The following C16orf95 variants were observed in gnomAD, a reference collection of about 807,000 sequenced individuals.
C16orf95 encodes the protein uncharacterized protein C16orf95.
In C16orf95, 41 loss-of-function variants were observed where a neutral mutation model predicts 32.1. The ratio of observed to expected loss-of-function variants is 1.28; its 90% CI spans 1.00 to 1.66. The LOEUF is 1.66. C16orf95 is among the 40% of genes most tolerant of loss of function. C16orf95 has a pLI of 0.00. For synonymous variants in C16orf95, 147 were observed against 128.9 expected (o/e 1.14, Z -0.95); for missense variants, 399 against 325.9 (o/e 1.22, Z -1.73).
rs748603129 is a variant in C16orf95, at chr16:87,314,978, C to T, written c.323G>A (p.Arg108Gln). 62 of 1,535,940 alleles carry T rather than the reference C, an allele frequency of 4.0e-5. No homozygotes were observed. In the East Asian group the frequency reaches 7.8e-4, roughly 19 times the overall value. Reference protein sequence around the residue: ...PYWVPLSLRPRKQSQKTVQFP... With the variant: ...PYWVPLSLRPQKQSQKTVQFP... The stretch of plus-strand genomic sequence containing the variant: ...CTGGTTCAAGTCACCTACCTGCTTT[C>T]GGGGTCTCAGGGACAGAGGGACCCA... Residue 108 changes from arginine (R) to glutamine (Q), a missense_variant, in exon 3 of 7, where the codon CGA (arginine) becomes CAA (glutamine). Coordinates refer to ENST00000567970, the MANE Select transcript of C16orf95 (RefSeq NM_001195124.3).
At chr16:87,310,417 G>T in intron 4 of C16orf95, 84 bp from the exon 5 acceptor site, 3 of 1,364,664 alleles carry the variant, frequency 2.2e-6, no homozygotes. Context: ...CAAACCTCCA[G>T]GAGGGGCACT....
chr16:87,303,819 C>A (rs1910875355), intron 6 of C16orf95, among the ~76,000 whole-genome samples: 2 of 152,250 alleles, frequency 1.3e-5, no homozygotes, highest in Middle Eastern at 3.4e-3. Flanking sequence ...TGGGGAACTT[C>A]AAAACAAGAG....
Position 87,317,138 on chromosome 16 carries a change from G to A in C16orf95, c.105C>T (p.Cys35=). 6.5e-7 allele frequency: 1 copy of A among 1,533,912 alleles called. No individual in the cohort carries two copies. The highest frequency in any genetic ancestry group is 8.7e-7 in the Non-Finnish European group (1 of 1,145,682). Reference sequence around the variant, plus strand: ...TGAGTGCCAACCTGCAGAGCCCGACGCACCCCGCGCCCGGCCCCCCGGCAG... The same window carrying A: ...TGAGTGCCAACCTGCAGAGCCCGACACACCCCGCGCCCGGCCCCCCGGCAG... ...GAAAGGPGAG[C]VGLCRLALTP... is the part of the protein sequence containing the mutation. The change falls in exon 1 of 7, where the codon TGC becomes TGT. Residue 35 remains cysteine (C), a synonymous_variant. Coordinates refer to ENST00000567970, the MANE Select transcript of C16orf95 (RefSeq NM_001195124.3).
At chr16:87,308,758 C>T (rs1367213136) in intron 5 of C16orf95, among the ~76,000 whole-genome samples, 1 of 152,174 alleles carries the variant, frequency 6.6e-6, no homozygotes, top group Non-Finnish European at 1.5e-5. Context: ...GATCTTGATC[C>T]CACTTCTTTA....
chr16:87,310,439 G>C lies in C16orf95; in HGVS notation c.478-106C>G, dbSNP rs115967898. On this transcript the variant is annotated intron_variant, in intron 4 of 6. Transcript: ENST00000567970. The stretch of plus-strand genomic sequence containing the variant: ...CCAGGAGGGGCACTGGCCAGCTCAA[G>C]ATAAAAGCCAAGGGCTCCTCCTTAT... The C allele has an allele frequency of 2.8e-3, 3,216 of 1,149,394 alleles. 73 individuals carry two copies. The African/African-American group carries it at 0.044, about 16-fold the overall frequency. 71.2% of individuals were successfully genotyped at this position (1,149,394 alleles called of 1,614,324 possible).
rs536947440 is a variant in C16orf95, at chr16:87,315,291, C to A, written c.205-195G>T. Reference sequence around the variant, plus strand: ...CCTCCAAGGTCATTTGGAGGGGGATCCCCCGGAGCTTGCAAATCAGGTGCG... The same window carrying A: ...CCTCCAAGGTCATTTGGAGGGGGATACCCCGGAGCTTGCAAATCAGGTGCG... On this transcript the variant is annotated intron_variant, in intron 2 of 6. Coordinates refer to ENST00000567970, the MANE Select transcript of C16orf95 (RefSeq NM_001195124.3). Among the ~76,000 whole-genome samples the A allele has an allele frequency of 9.3e-4, 142 of 152,300 alleles. 1 individual carries two copies. Among genetic ancestry groups the A allele is most frequent in the African/African-American group, 3.1e-3 (130 of 41,582 alleles).
chr16:87,309,220 G>C (rs1306181499), intron 5 of C16orf95, among the ~76,000 whole-genome samples: 1 of 151,880 alleles, frequency 6.6e-6, no homozygotes, highest in Admixed American at 6.6e-5. Flanking sequence ...TTTTTAAACT[G>C]ATGTCTTTTC....
At chr16:87,306,640 AACCAG>A (rs1386242358) in intron 5 of C16orf95, among the ~76,000 whole-genome samples, 1 of 152,220 alleles carries the variant, frequency 6.6e-6, no homozygotes, top group Admixed American at 6.5e-5. Flanking sequence ...TTAAAATGGA[AACCAG>A]TCAGATTTGC....
At chr16:87,303,884 C>T (rs771204289) in intron 6 of C16orf95, among the ~76,000 whole-genome samples, 1 of 152,174 alleles carries the variant, frequency 6.6e-6, no homozygotes, top group Non-Finnish European at 1.5e-5. Context: ...AAAGCCCAGG[C>T]ATCTTTCTCT....
intron 1 of C16orf95, 127 bp downstream of exon 1, chr16:87,316,964 T>C (rs1904366354): frequency 7.3e-7 from 1 of 1,368,780 alleles, no homozygotes; most frequent in South Asian, 1.6e-5. Context: ...GTTAAGCCAA[T>C]GTAAGTGAGG....
At chr16:87,315,432 T>G (rs1904312605) in intron 2 of C16orf95, among the ~76,000 whole-genome samples, 1 of 152,232 alleles carries the variant, frequency 6.6e-6, no homozygotes, top group Non-Finnish European at 1.5e-5. Flanking sequence ...GCTGCCTTTA[T>G]GGCCATCTGT....
intron 3 of C16orf95, among the ~76,000 whole-genome samples, chr16:87,314,421 C>G (rs1235782028): frequency 2.0e-5 from 3 of 152,226 alleles, no homozygotes; most frequent in Non-Finnish European, 2.9e-5. Context: ...AGTACAAAGT[C>G]TATGACCCCA....
intron 5 of C16orf95, among the ~76,000 whole-genome samples, chr16:87,307,997 G>A (rs531560117): frequency 6.6e-6 from 1 of 152,224 alleles, no homozygotes; most frequent in South Asian, 2.1e-4. Flanking sequence ...GACAGAAAGA[G>A]CCAAATCAGG....
chr16:87,309,372 C>CTTTTTTTT lies in C16orf95; in HGVS notation c.514+917_514+924dup, dbSNP rs10551847. ...TATGCATTTTCTTTTTCTTTCTTTT[C>CTTTTTTTT]TTTTTTTTTTTTTTTTTTTTTTTTT... On this transcript the variant is annotated intron_variant, in intron 5 of 6. Coordinates refer to ENST00000567970, the MANE Select transcript of C16orf95 (RefSeq NM_001195124.3). Among the ~76,000 whole-genome samples, 300 of 86,058 alleles carry CTTTTTTTT rather than the reference C, an allele frequency of 3.5e-3. 35 individuals are homozygous for CTTTTTTTT. Among genetic ancestry groups the CTTTTTTTT allele is most frequent in the African/African-American group, 9.2e-3 (156 of 16,904 alleles). 56.5% of individuals were successfully genotyped at this position (86,058 alleles called of 152,430 possible).
chr16:87,304,284 C>T (rs569344995), intron 6 of C16orf95, among the ~76,000 whole-genome samples: 27 of 72,742 alleles, frequency 3.7e-4, no homozygotes, highest in Non-Finnish European at 7.0e-4. Context: ...TGCTGGGATC[C>T]AGGTGTAGGC....
intron 3 of C16orf95, among the ~76,000 whole-genome samples, chr16:87,313,505 G>A (rs147169839): frequency 2.0e-4 from 30 of 152,266 alleles, no homozygotes; most frequent in Non-Finnish European, 3.5e-4. Context: ...AGGCCGAGGC[G>A]GGTGGGTCAC....
Position 87,311,137 on chromosome 16 carries a change from GCCT to G in C16orf95, c.477+10_477+12del, listed in dbSNP as rs1416988591. ...CTCTTCAGTTCTCACTGCAGTGTGCGCCTCCTCCTTACCTGCTGCTGAGACCTC... is the reference window on the plus strand; with the variant it reads ...CTCTTCAGTTCTCACTGCAGTGTGCGCCTCCTTACCTGCTGCTGAGACCTC... On this transcript the variant is annotated intron_variant, in intron 4 of 6. Transcript: ENST00000567970. 6.6e-7 allele frequency: 1 copy of G among 1,508,052 alleles called. No homozygotes were observed. The highest frequency in any genetic ancestry group is 8.9e-7 in the Non-Finnish European group (1 of 1,127,552). 93.4% of individuals were successfully genotyped at this position (1,508,052 alleles called of 1,614,324 possible). A position where few individuals can be genotyped will look rare whatever the true frequency, so the allele number is the denominator to read the frequency against.
At chr16:87,315,694 A>C (rs1480389856) in intron 2 of C16orf95, 78 bp downstream of exon 2, 2 of 1,119,624 alleles carry the variant, frequency 1.8e-6, no homozygotes, top group Non-Finnish European at 2.5e-6. Context: ...CAGCTTCTGG[A>C]CCCACATTCC....
chr16:87,308,736 G>T (rs1264887688), intron 5 of C16orf95, among the ~76,000 whole-genome samples: 1 of 152,202 alleles, frequency 6.6e-6, no homozygotes, highest in Non-Finnish European at 1.5e-5. Context: ...ATTCTTCAAA[G>T]AAATGTTTTA....
Sources: gnomAD v4.1 joint callset for allele counts (sites outside exome capture counted in the v4.1 genomes callset) on GRCh38, gnomAD v4.1.1 for gene constraint, MANE v1.5 for transcripts, NCBI Gene and HGNC (gene_info 2026-07-23, HGNC 2026-07-21) for gene names.